FHIT: variants seen among roughly 807,000 people sequenced by gnomAD.
FHIT encodes the protein bis(5'-adenosyl)-triphosphatase.
FHIT carries 19 observed loss-of-function variants against 17.9 expected under a neutral mutation model. The ratio of observed to expected loss-of-function variants is 1.06; its 90% CI spans 0.74 to 1.56. The LOEUF (loss-of-function observed/expected upper bound fraction) is 1.56. Ranked by LOEUF, FHIT falls within the 40% of genes most tolerant of loss-of-function variation. The pLI is 0.00. For synonymous variants in FHIT, 81 were observed against 69.7 expected, an observed-to-expected ratio of 1.16 and a Z score of -0.81; for missense variants, 248 against 189.2, an observed-to-expected ratio of 1.31 and a Z score of -1.82.
At chr3:60,501,992 G>A (rs895348574) in intron 5 of FHIT, among the ~76,000 whole-genome samples, 3 of 152,198 alleles carry the variant, frequency 2.0e-5, no homozygotes, top group African/African-American at 7.2e-5. Flanking sequence ...AATGACCCAT[G>A]ACTGAGAGAC....
rs188458059 is a variant in FHIT at position 60,327,461 on chromosome 3, C to T, written c.103+209399G>A. Among the ~76,000 whole-genome samples, 707 of 152,296 alleles carry T rather than the reference C, an allele frequency of 4.6e-3. 4 individuals are homozygous for T. Among genetic ancestry groups the T allele is most frequent in the South Asian group, 0.023 (109 of 4,824 alleles). ...CATAGCCAATAAATATATAAATAAA[C>T]GGGCATGGCTATGTTCTAACAAAAC... is the stretch of plus-strand genomic sequence containing the variant. On this transcript the variant is annotated intron_variant, in intron 5 of 9. Transcript: ENST00000492590.
chr3:60,850,190 C>T (rs868992211), intron 3 of FHIT, among the ~76,000 whole-genome samples: 3 of 152,056 alleles, frequency 2.0e-5, no homozygotes, highest in East Asian at 1.9e-4. Context: ...GAGAGGCCTT[C>T]GCTGACTATC....
chr3:60,504,745 T>C (rs1283002194), intron 5 of FHIT, among the ~76,000 whole-genome samples: 1 of 152,198 alleles, frequency 6.6e-6, no homozygotes, highest in East Asian at 1.9e-4. Flanking sequence ...GTGAGAAGGA[T>C]AAAATGTTTC....
intron 5 of FHIT, among the ~76,000 whole-genome samples, chr3:60,059,324 G>A (rs1702210552): frequency 6.6e-6 from 1 of 152,140 alleles, no homozygotes; most frequent in African/African-American, 2.4e-5. Context: ...GAAAGCCTCA[G>A]GTGGGCATAC....
chr3:61,093,019 G>A (rs187751069), intron 2 of FHIT, among the ~76,000 whole-genome samples: 59 of 152,192 alleles, frequency 3.9e-4, no homozygotes, highest in Admixed American at 7.9e-4. Context: ...GGGCCCTGAG[G>A]GCACACAGAG....
At chr3:60,136,874 A>G (rs1466832154) in intron 5 of FHIT, among the ~76,000 whole-genome samples, 2 of 152,140 alleles carry the variant, frequency 1.3e-5, no homozygotes, top group African/African-American at 4.8e-5. Flanking sequence ...CTGATACTAG[A>G]AAAAAGGAAG....
intron 3 of FHIT, among the ~76,000 whole-genome samples, chr3:60,858,611 G>A (rs1183398312): frequency 6.6e-6 from 1 of 152,094 alleles, no homozygotes; most frequent in Non-Finnish European, 1.5e-5. Context: ...AACCCAAAAT[G>A]CCTTCCACCC....
At chr3:61,169,957 C>G (rs1032522262) in intron 2 of FHIT, among the ~76,000 whole-genome samples, 3 of 152,110 alleles carry the variant, frequency 2.0e-5, no homozygotes, top group African/African-American at 7.2e-5. Flanking sequence ...AGGCCAATGA[C>G]TTAGACATCA....
chr3:60,554,344 T>TA (rs2107631984), intron 4 of FHIT, among the ~76,000 whole-genome samples: 1 of 152,168 alleles, frequency 6.6e-6, no homozygotes, highest in East Asian at 1.9e-4. Flanking sequence ...AAACAATCCT[T>TA]AAAGAGGAGA....
chr3:61,214,437 C>T (rs1389127869), intron 1 of FHIT, among the ~76,000 whole-genome samples: 2 of 152,186 alleles, frequency 1.3e-5, no homozygotes, highest in East Asian at 1.9e-4. Context: ...GACACATACA[C>T]CCTCCCAAGA....
At chr3:60,031,918 A>G (rs1243372633) in intron 5 of FHIT, among the ~76,000 whole-genome samples, 3 of 152,234 alleles carry the variant, frequency 2.0e-5, no homozygotes, top group Non-Finnish European at 1.5e-5. Context: ...TAGTAACAGC[A>G]GTACCTATGA....
chr3:60,757,010 A>G (rs76087192), intron 4 of FHIT, among the ~76,000 whole-genome samples: 1,911 of 152,334 alleles, frequency 0.013, 40 homozygotes, highest in African/African-American at 0.043. Context: ...AAAAAAAGAA[A>G]AACAAAAACA....
intron 5 of FHIT, among the ~76,000 whole-genome samples, chr3:60,114,542 C>A (rs1257552853): frequency 8.2e-6 from 1 of 121,690 alleles, no homozygotes; most frequent in East Asian, 2.5e-4. Flanking sequence ...GTTTCCCAGG[C>A]CTGAGTGAAG....
At chr3:60,285,621 G>A (rs1007879437) in intron 5 of FHIT, among the ~76,000 whole-genome samples, 1 of 152,088 alleles carries the variant, frequency 6.6e-6, no homozygotes, top group Non-Finnish European at 1.5e-5. Context: ...AATCAGTTGA[G>A]TTTAATTTTA....
chr3:61,065,768 T>C (rs1462768780), intron 2 of FHIT, among the ~76,000 whole-genome samples: 3 of 149,438 alleles, frequency 2.0e-5, no homozygotes, highest in Admixed American at 6.7e-5. Flanking sequence ...AAAAAAAAAA[T>C]GAACGGAAGC....
intron 5 of FHIT, among the ~76,000 whole-genome samples, chr3:60,290,940 A>G (rs573693304): frequency 3.3e-5 from 5 of 152,282 alleles, no homozygotes; most frequent in African/African-American, 1.2e-4. Flanking sequence ...AGTGAAGTCC[A>G]AAGGCTGGAC....
intron 2 of FHIT, among the ~76,000 whole-genome samples, chr3:61,176,346 ATGT>A (rs1363292226): frequency 6.6e-6 from 1 of 152,242 alleles, no homozygotes; most frequent in Non-Finnish European, 1.5e-5. Context: ...TCAAGGCTAG[ATGT>A]TGTTCTGCCA....
intron 4 of FHIT, among the ~76,000 whole-genome samples, chr3:60,783,274 C>T (rs2108100867): frequency 6.6e-6 from 1 of 152,224 alleles, no homozygotes; most frequent in East Asian, 1.9e-4. Flanking sequence ...GCAGGGCCTT[C>T]AATAGGTCAT....
chr3:60,382,293 C>T (rs1700832111), intron 5 of FHIT, among the ~76,000 whole-genome samples: 1 of 152,340 alleles, frequency 6.6e-6, no homozygotes. Context: ...CTTGCATTAG[C>T]AGCAGTATAA....
Sources: gnomAD v4.1 joint callset for allele counts (sites outside exome capture counted in the v4.1 genomes callset) on GRCh38, gnomAD v4.1.1 for gene constraint, MANE v1.5 for transcripts, NCBI Gene and HGNC (gene_info 2026-07-23, HGNC 2026-07-21) for gene names.